Variants in WWOX observed in about 807,000 individuals in gnomAD.
WWOX encodes WW domain containing oxidoreductase, also known as WW domain-containing oxidoreductase.
Under a neutral mutation model 46.2 loss-of-function variants are expected in WWOX, and 69 were observed. That is an observed-to-expected ratio of 1.49 (90% CI 1.23 to 1.82). The LOEUF (loss-of-function observed/expected upper bound fraction) is 1.82, where lower values mean the gene tolerates loss of function less well. Among genes scored for constraint, WWOX ranks in the 40% most tolerant of loss-of-function variants. The pLI is 0.00. For missense variants in WWOX, 919 were observed against 542.6 expected (o/e 1.69, Z -6.89); for synonymous variants, 359 against 202.6 (o/e 1.77, Z -6.56).
chr16:78,563,306 T>C (rs1273791350), intron 8 of WWOX, among the ~76,000 whole-genome samples: 1 of 152,166 alleles, frequency 6.6e-6, no homozygotes, highest in Non-Finnish European at 1.5e-5. Context: ...ACTTTCCTTT[T>C]ATTTTATTTA....
chr16:78,337,651 T>A (rs2080923649), intron 5 of WWOX, among the ~76,000 whole-genome samples: 1 of 152,170 alleles, frequency 6.6e-6, no homozygotes, highest in East Asian at 1.9e-4. Flanking sequence ...AAAGTGTTAT[T>A]AAAAGTACTA....
At chr16:78,935,935 C>A (rs973380146) in intron 8 of WWOX, among the ~76,000 whole-genome samples, 46 of 151,850 alleles carry the variant, frequency 3.0e-4, no homozygotes, top group African/African-American at 1.1e-3. Context: ...ATAAAATAAG[C>A]AGCAGCAGCA....
intron 4 of WWOX, among the ~76,000 whole-genome samples, chr16:78,131,300 C>T (rs1366991586): frequency 6.6e-6 from 1 of 152,182 alleles, no homozygotes; most frequent in Non-Finnish European, 1.5e-5. Context: ...GTAGCCTCTC[C>T]CTCCTGGGCC....
At chr16:78,650,980 G>A (rs2046953550) in intron 8 of WWOX, among the ~76,000 whole-genome samples, 1 of 152,228 alleles carries the variant, frequency 6.6e-6, no homozygotes. Context: ...TTAACAGAGG[G>A]ATTCGTAAGC....
rs371649424 is a variant in WWOX at position 78,304,120 on chromosome 16, T to C, written c.517-82740T>C. Among the ~76,000 whole-genome samples the C allele has an allele frequency of 3.7e-4, 57 of 152,308 alleles. 2 individuals are homozygous for C. In the South Asian group the frequency reaches 0.011, roughly 29 times the overall value. ...CTCCTTCTCCAAGAAACCTGAGTCA[T>C]GACCTCCCCAAAGTGTTTCCTTCCC... On this transcript the variant is annotated intron_variant, in intron 5 of 8. Coordinates refer to ENST00000566780, the MANE Select transcript of WWOX (RefSeq NM_016373.4).
intron 8 of WWOX, among the ~76,000 whole-genome samples, chr16:78,789,899 G>A (rs771055091): frequency 4.6e-5 from 7 of 152,112 alleles, no homozygotes; most frequent in Non-Finnish European, 1.0e-4. Flanking sequence ...TCAGACAGTT[G>A]TAAACTTAAA....
At chr16:78,334,928 A>ATT (rs879854078) in intron 5 of WWOX, among the ~76,000 whole-genome samples, 10,258 of 148,012 alleles carry the variant, frequency 0.069, 1,086 homozygotes, top group African/African-American at 0.23. Context: ...TTTTTTTAAA[A>ATT]AAAAAAAAAA....
At chr16:78,826,690 A>G (rs1288870998) in intron 8 of WWOX, among the ~76,000 whole-genome samples, 3 of 152,186 alleles carry the variant, frequency 2.0e-5, no homozygotes, top group Admixed American at 6.5e-5. Context: ...CTGATTCCCA[A>G]TAAGCTTGCC....
intron 8 of WWOX, among the ~76,000 whole-genome samples, chr16:78,765,112 G>T (rs142478203): frequency 5.3e-4 from 80 of 152,340 alleles, no homozygotes; most frequent in African/African-American, 1.9e-3. Context: ...GCTGTGCGGG[G>T]ATGTGGTAGG....
intron 8 of WWOX, among the ~76,000 whole-genome samples, chr16:79,172,315 C>A (rs2050715146): frequency 6.6e-6 from 1 of 152,176 alleles, no homozygotes; most frequent in African/African-American, 2.4e-5. Flanking sequence ...CAGCTGCTTT[C>A]GTGCAGGAAG....
rs187961233 is a variant in WWOX, at chr16:78,520,022, T to G, written c.1056+87270T>G. Reference sequence around the variant, plus strand: ...ATGGTTTTCCACACTGAGAACATACTGTGACCATGCAGTCATTTCCCAGAT... The same window carrying G: ...ATGGTTTTCCACACTGAGAACATACGGTGACCATGCAGTCATTTCCCAGAT... On this transcript the variant is annotated intron_variant, in intron 8 of 8. Transcript: ENST00000566780. Among the ~76,000 whole-genome samples the G allele has an allele frequency of 4.7e-4, 72 of 152,246 alleles. 1 individual carries two copies. The highest frequency in any genetic ancestry group is 1.6e-3 in the African/African-American group (68 of 41,480).
At chr16:78,774,529 TGTGC>T (rs751217573) in intron 8 of WWOX, among the ~76,000 whole-genome samples, 3,642 of 119,906 alleles carry the variant, frequency 0.03, 90 homozygotes, top group African/African-American at 0.08. Flanking sequence ...TGTGTGTGTG[TGTGC>T]GCGTGCGCAC....
chr16:78,852,193 G>T (rs901157893), intron 8 of WWOX, among the ~76,000 whole-genome samples: 1 of 152,182 alleles, frequency 6.6e-6, no homozygotes, highest in Non-Finnish European at 1.5e-5. Flanking sequence ...AGCTTCTGTG[G>T]TAGCCAGAGG....
intron 8 of WWOX, among the ~76,000 whole-genome samples, chr16:78,775,227 G>A (rs17642004): frequency 0.31 from 47,760 of 152,046 alleles, 7,985 homozygotes; most frequent in South Asian, 0.37. Context: ...TATCAGGACT[G>A]TATTCAGCCC....
chr16:78,432,608 C>G lies in WWOX; in HGVS notation c.912C>G (p.Ser304=). Reference sequence around the variant, plus strand: ...CCAAGCTCTGCAACATCCTCTTCTCCAACGAGCTGCACCGTCGCCTCTCCC... The same window carrying G: ...CCAAGCTCTGCAACATCCTCTTCTCGAACGAGCTGCACCGTCGCCTCTCCC... ...NRSKLCNILF[S]NELHRRLSPR... is the part of the protein sequence containing the mutation. The change falls in exon 8 of 9, where the codon TCC becomes TCG. Residue 304 remains serine (S), a synonymous_variant. Coordinates refer to ENST00000566780, the MANE Select transcript of WWOX (RefSeq NM_016373.4). 1.9e-6 allele frequency: 3 copies of G among 1,614,226 alleles called. No homozygotes were observed. The highest frequency in any genetic ancestry group is 2.5e-6 in the Non-Finnish European group (3 of 1,180,048).
At chr16:78,717,248 A>T (rs2048585623) in intron 8 of WWOX, among the ~76,000 whole-genome samples, 2 of 152,222 alleles carry the variant, frequency 1.3e-5, no homozygotes, top group African/African-American at 4.8e-5. Context: ...AAGCATTGCT[A>T]AATTGGAAAA....
chr16:78,872,138 C>T (rs988847407), intron 8 of WWOX, among the ~76,000 whole-genome samples: 1 of 152,192 alleles, frequency 6.6e-6, no homozygotes, highest in East Asian at 1.9e-4. Flanking sequence ...TAAAGGAATT[C>T]TGGTTATAAT....
chr16:79,031,712 T>C (rs2047758386), intron 8 of WWOX, among the ~76,000 whole-genome samples: 1 of 148,462 alleles, frequency 6.7e-6, no homozygotes, highest in Admixed American at 6.7e-5. Flanking sequence ...TTTTCTAGTT[T>C]TTTTGTTTTG....
At chr16:78,241,760 T>C (rs2037657731) in intron 5 of WWOX, among the ~76,000 whole-genome samples, 1 of 152,128 alleles carries the variant, frequency 6.6e-6, no homozygotes, top group African/African-American at 2.4e-5. Context: ...CTGTTGCTAT[T>C]GATGATTATT....
Sources: gnomAD v4.1 joint callset for allele counts (sites outside exome capture counted in the v4.1 genomes callset) on GRCh38, gnomAD v4.1.1 for gene constraint, MANE v1.5 for transcripts, NCBI Gene and HGNC (gene_info 2026-07-23, HGNC 2026-07-21) for gene names.